The following EPHB1 variants were observed in gnomAD, a reference collection of about 807,000 sequenced individuals.
EPHB1 encodes the protein EPH receptor B1.
Under a neutral mutation model 94.4 loss-of-function variants are expected in EPHB1, and 30 were observed. That is an observed-to-expected ratio of 0.32 (90% CI 0.24 to 0.43). The LOEUF (loss-of-function observed/expected upper bound fraction) is 0.43. Ranked by LOEUF, EPHB1 falls within the 20% of genes least tolerant of loss-of-function variation. The pLI, the probability that EPHB1 is intolerant of heterozygous loss-of-function variation, is 1.00. For missense variants in EPHB1, 1,055 were observed against 1,308.3 expected (o/e 0.81, Z 2.99); for synonymous variants, 522 against 489.1 (o/e 1.07, Z -0.89).
chr3:134,914,450 C>T (rs2038522259), intron 1 of EPHB1, among the ~76,000 whole-genome samples: 1 of 152,198 alleles, frequency 6.6e-6, no homozygotes, highest in African/African-American at 2.4e-5. Flanking sequence ...GAAGGTCTCA[C>T]AACCAGACAG....
chr3:135,058,384 A>T (rs959093032), intron 3 of EPHB1, among the ~76,000 whole-genome samples: 3 of 152,120 alleles, frequency 2.0e-5, no homozygotes, highest in Admixed American at 6.5e-5. Flanking sequence ...CCTGCTACGA[A>T]TGGGCCCCTG....
chr3:134,932,592 C>G (rs2038927585), intron 2 of EPHB1, among the ~76,000 whole-genome samples: 1 of 152,160 alleles, frequency 6.6e-6, no homozygotes. Context: ...TAGACTTCTT[C>G]AGTCTCAGTT....
In EPHB1 at chr3:134,988,418, T is replaced by A. The variant is rs142629594; in HGVS notation, c.805+36366T>A. On this transcript the variant is annotated intron_variant, in intron 3 of 15. Transcript: ENST00000398015. ...TCACAGTCCTAAGCAGACTATATATTTTTTTTCAAAAAAGAGCAGTTAGCC... is the reference window on the plus strand; with the variant it reads ...TCACAGTCCTAAGCAGACTATATATATTTTTTCAAAAAAGAGCAGTTAGCC... Among the ~76,000 whole-genome samples the A allele has an allele frequency of 7.4e-3, 1,128 of 152,264 alleles. 7 individuals are homozygous for A. The highest frequency in any genetic ancestry group is 0.014 in the South Asian group (69 of 4,828).
chr3:135,237,020 C>T (rs1001757821), intron 12 of EPHB1, among the ~76,000 whole-genome samples: 2 of 152,124 alleles, frequency 1.3e-5, no homozygotes, highest in African/African-American at 4.8e-5. Flanking sequence ...TAGGGACATC[C>T]ATTGCCCATT....
chr3:134,829,809 T>C (rs2036548167), intron 1 of EPHB1, among the ~76,000 whole-genome samples: 3 of 152,024 alleles, frequency 2.0e-5, no homozygotes, highest in Admixed American at 2.0e-4. Context: ...AAATGGGAAA[T>C]TTGGACGCAG....
chr3:135,129,810 A>G (rs1940356141), intron 4 of EPHB1, among the ~76,000 whole-genome samples: 1 of 152,196 alleles, frequency 6.6e-6, no homozygotes, highest in Non-Finnish European at 1.5e-5. Flanking sequence ...GTTCAAGTTG[A>G]TACAGAGGGA....
At chr3:135,112,069 A>C (rs531951681) in intron 4 of EPHB1, among the ~76,000 whole-genome samples, 1 of 152,346 alleles carries the variant, frequency 6.6e-6, no homozygotes, top group East Asian at 1.9e-4. Flanking sequence ...AGAGAAGCGA[A>C]TGGAAACCAG....
chr3:135,209,511 C>G (rs1296738472), intron 12 of EPHB1, among the ~76,000 whole-genome samples: 1 of 152,174 alleles, frequency 6.6e-6, no homozygotes, highest in East Asian at 1.9e-4. Context: ...TGGGTCTCAT[C>G]ATGAGAAAAC....
intron 5 of EPHB1, among the ~76,000 whole-genome samples, chr3:135,143,359 G>A (rs1940894095): frequency 6.6e-6 from 1 of 152,160 alleles, no homozygotes; most frequent in Non-Finnish European, 1.5e-5. Flanking sequence ...CAGACCTCCA[G>A]GCCTGGAGGA....
chr3:135,079,681 C>T (rs1044297571), intron 3 of EPHB1, among the ~76,000 whole-genome samples: 6 of 151,926 alleles, frequency 3.9e-5, no homozygotes, highest in Admixed American at 1.3e-4. Context: ...CCAAAGGCCT[C>T]GTTATGGAAA....
chr3:135,065,663 T>C lies in EPHB1; in HGVS notation c.806-40785T>C, dbSNP rs369660963. Among the ~76,000 whole-genome samples the C allele has an allele frequency of 5.9e-5, 9 of 152,220 alleles. No individual in the cohort carries two copies. In the East Asian group the frequency reaches 1.2e-3, roughly 20 times the overall value. On this transcript the variant is annotated intron_variant, in intron 3 of 15. Transcript: ENST00000398015. ...ATTCTGCAGTTCTGTATCTTTTAAG[T>C]GGAGCATTTAGACCATTTACATTCA...
At chr3:135,180,480 T>C (rs1559864150) in intron 10 of EPHB1, among the ~76,000 whole-genome samples, 1 of 152,194 alleles carries the variant, frequency 6.6e-6, no homozygotes, top group Non-Finnish European at 1.5e-5. Flanking sequence ...CCTATCACCT[T>C]CTTTTTTTTG....
intron 1 of EPHB1, among the ~76,000 whole-genome samples, chr3:134,882,782 C>CTT (rs1186011854): frequency 3.7e-5 from 2 of 53,564 alleles, no homozygotes; most frequent in Admixed American, 4.6e-4. Flanking sequence ...TTCTTTCTTT[C>CTT]TTTCTTTCTT....
intron 3 of EPHB1, among the ~76,000 whole-genome samples, chr3:135,010,109 T>G (rs933809627): frequency 1.6e-4 from 24 of 152,322 alleles, no homozygotes; most frequent in Middle Eastern, 3.4e-3. Context: ...ATAATTTGAT[T>G]TGAATTTAAT....
intron 1 of EPHB1, among the ~76,000 whole-genome samples, chr3:134,870,894 T>C (rs1471294671): frequency 6.6e-6 from 1 of 152,240 alleles, no homozygotes; most frequent in Non-Finnish European, 1.5e-5. Context: ...CTGCCTTGTT[T>C]ATATGGCATA....
intron 3 of EPHB1, among the ~76,000 whole-genome samples, chr3:135,106,155 A>C (rs1939211806): frequency 6.6e-6 from 1 of 152,190 alleles, no homozygotes. Context: ...ACTGAGCTAC[A>C]CTTTAGATTT....
intron 3 of EPHB1, among the ~76,000 whole-genome samples, chr3:135,026,840 C>A (rs1395841575): frequency 6.9e-6 from 1 of 145,358 alleles, no homozygotes; most frequent in African/African-American, 2.6e-5. Flanking sequence ...TTCTTCCTAC[C>A]CATGAGCATG....
In EPHB1 at chr3:135,154,182, T is replaced by C. The variant is rs1361827878; in HGVS notation, c.1328T>C (p.Val443Ala). The C allele has an allele frequency of 1.9e-6, 3 of 1,613,872 alleles. No homozygotes were observed. Among genetic ancestry groups the C allele is most frequent in the African/African-American group, 2.7e-5 (2 of 74,930 alleles). ...APSTVPIMHQ[V>A]SATMRSITLS... ...TCCACCGTTCCCATCATGCACCAAG[T>C]CAGTGCCACTATGAGGAGCATCACC... The change falls in exon 6 of 16, where the codon GTC becomes GCC. Residue 443 changes from valine (V) to alanine (A), a missense_variant. Physicochemically the swap from Val to Ala is moderately conservative, Grantham distance 64 (BLOSUM62 0). Coordinates refer to ENST00000398015, the MANE Select transcript of EPHB1 (RefSeq NM_004441.5).
intron 12 of EPHB1, 43 bp from the exon 13 acceptor site, chr3:135,241,105 G>A: frequency 2.5e-6 from 4 of 1,613,816 alleles, no homozygotes; most frequent in Non-Finnish European, 3.4e-6. Context: ...CCTTCAATCA[G>A]AAACCTGATT....
Sources: allele counts gnomAD v4.1 joint callset (sites outside exome capture counted in the v4.1 genomes callset), GRCh38; gene constraint gnomAD v4.1.1; transcripts MANE v1.5; gene names NCBI Gene and HGNC (gene_info 2026-07-23, HGNC 2026-07-21).